KDSR: variants seen among roughly 807,000 people sequenced by gnomAD.
The protein encoded by KDSR is 3-dehydrosphinganine reductase.
A neutral mutation model predicts 41.3 loss-of-function variants in KDSR; 23 were observed. The ratio of observed to expected loss-of-function variants is 0.56; its 90% CI spans 0.40 to 0.79. KDSR has a LOEUF of 0.79. Ranked by LOEUF, KDSR falls within the 30% of genes least tolerant of loss-of-function variation. The probability of loss-of-function intolerance (pLI) is 0.00; values close to 1 mark genes in which losing one functional copy is unlikely to be tolerated. For missense variants in KDSR, 351 were observed against 416.8 expected, an observed-to-expected ratio of 0.84 and a Z score of 1.37; for synonymous variants, 138 against 151.7, an observed-to-expected ratio of 0.91 and a Z score of 0.66.
At position 63,331,300 on chromosome 18, in the gene KDSR, GACAGAGAGAC is replaced by G; in HGVS notation, c.*472_*481del. 4.5e-6 allele frequency: 1 copy of G among 221,972 alleles called. No homozygotes were observed. Among genetic ancestry groups the G allele is most frequent in the Non-Finnish European group, 8.8e-6 (1 of 113,392 alleles). 13.8% of individuals were successfully genotyped at this position (221,972 alleles called of 1,614,324 possible). ...AGAGAGAGAGACAGAGAGACAGAGA[GACAGAGAGAC>G]AGAGAGACAGAGAGACAGAGAGAGA... On this transcript the variant is annotated 3_prime_UTR_variant, in exon 10 of 10. Transcript: ENST00000645214.
intron 3 of KDSR, chr18:63,359,416 C>T: frequency 4.3e-6 from 1 of 230,670 alleles, no homozygotes; most frequent in Non-Finnish European, 8.5e-6. Flanking sequence ...ATCAAAAATT[C>T]CATAACCAAA....
chr18:63,350,880 A>C lies in KDSR; in HGVS notation c.609+8T>G, dbSNP rs1160329231. 1 of 1,601,818 alleles carries C rather than the reference A, an allele frequency of 6.2e-7. No individual in the cohort carries two copies. The highest frequency in any genetic ancestry group is 1.3e-5 in the African/African-American group (1 of 74,614). ...AGGAATAAATACAAAAATGAATACA[A>C]CTTTTACCTCCATCTGCAAAGCTTC... On this transcript the variant is annotated splice_region_variant and intron_variant, in intron 6 of 9. Coordinates refer to ENST00000645214, the MANE Select transcript of KDSR (RefSeq NM_002035.4).
chr18:63,359,936 C>A, intron 2 of KDSR, 144 bp from the exon 3 acceptor site: 1 of 647,090 alleles, frequency 1.5e-6, no homozygotes, highest in Non-Finnish European at 2.8e-6. Context: ...ATTGCATAGA[C>A]AGACTGGGCC....
intron 7 of KDSR, among the ~76,000 whole-genome samples, chr18:63,341,526 G>A (rs1914339665): frequency 1.3e-5 from 2 of 151,432 alleles, no homozygotes; most frequent in South Asian, 4.2e-4. Context: ...AGTCCAGAAA[G>A]TTCAAAAATC....
Position 63,335,320 on chromosome 18 carries a change from G to A in KDSR, c.816C>T (p.Tyr272=), listed in dbSNP as rs1464347056. 2 of 1,613,952 alleles carry A rather than the reference G, an allele frequency of 1.2e-6. No homozygotes were observed. The highest frequency in any genetic ancestry group is 1.7e-5 in the Admixed American group (1 of 60,020). ...NFNSSLGSDG[Y]MLSALTCGMA... is the part of the protein sequence containing the mutation. ...TCCCACAGGTCAGGGCCGAGAGCAT[G>A]TACCCATCTGAGCCAAGGGAACTGT... Residue 272 remains tyrosine (Y), a synonymous_variant, in exon 9 of 10, where the codon TAC becomes TAT. Coordinates refer to ENST00000645214, the MANE Select transcript of KDSR (RefSeq NM_002035.4).
chr18:63,359,824 G>A, intron 2 of KDSR, 32 bp from the exon 3 acceptor site: 4 of 1,491,928 alleles, frequency 2.7e-6, no homozygotes, highest in Non-Finnish European at 3.7e-6. Flanking sequence ...TAGTCGTGAT[G>A]ACCGTCTATA....
chr18:63,366,925 A>G (rs1464502959), intron 1 of KDSR, 86 bp downstream of exon 1: 4 of 664,228 alleles, frequency 6.0e-6, no homozygotes, highest in Non-Finnish European at 8.9e-6. Flanking sequence ...CGCGGCCTGG[A>G]AAAAGGGACG....
chr18:63,355,439 G>A, intron 4 of KDSR, 59 bp downstream of exon 4: 1 of 1,612,252 alleles, frequency 6.2e-7, no homozygotes, highest in Non-Finnish European at 8.5e-7. Flanking sequence ...ATAGCAAAAT[G>A]GCAAGAACAA....
intron 6 of KDSR, chr18:63,345,659 CG>C: frequency 6.6e-6 from 1 of 151,256 alleles, no homozygotes; most frequent in Non-Finnish European, 1.5e-5. Flanking sequence ...GCCCAGGGGC[CG>C]GGGGCAGTGG....
Position 63,367,012 on chromosome 18 carries a change from ACCACATGCGC to A in KDSR, c.97_106del (p.Ala33TrpfsTer24). The A allele has an allele frequency of 7.6e-7, 1 of 1,310,224 alleles. No homozygotes were observed. The highest frequency in any genetic ancestry group is 9.8e-7 in the Non-Finnish European group (1 of 1,019,926). The allele number at this position is 1,310,224 out of a possible 1,614,324, so 81.2% of individuals were successfully genotyped here. On this transcript the variant is annotated frameshift_variant and splice_region_variant, in exon 1 of 10. Coordinates refer to ENST00000645214, the MANE Select transcript of KDSR (RefSeq NM_002035.4). LOFTEE classifies it high-confidence loss of function. ...GGGCAGCAACAGGAGGCCACTCACC[ACCACATGCGC>A]CCCGGGCAGGGCGAGGGGCTTGGGG...
intron 9 of KDSR, among the ~76,000 whole-genome samples, chr18:63,332,439 C>T (rs1362155168): frequency 2.0e-5 from 3 of 152,236 alleles, no homozygotes; most frequent in East Asian, 1.9e-4. Flanking sequence ...GGCATGAACG[C>T]GGCTCACTAT....
intron 9 of KDSR, among the ~76,000 whole-genome samples, chr18:63,334,480 A>G (rs1220534180): frequency 6.6e-6 from 1 of 151,910 alleles, no homozygotes; most frequent in South Asian, 2.1e-4. Context: ...CCTCCCGAGT[A>G]GCTGGGATTA....
At chr18:63,363,270 T>C (rs1411820320) in intron 1 of KDSR, among the ~76,000 whole-genome samples, 3 of 145,206 alleles carry the variant, frequency 2.1e-5, no homozygotes, top group Admixed American at 6.9e-5. Flanking sequence ...GTGCACATTG[T>C]GCAGGTTAGT....
At chr18:63,361,861 G>A (rs1162439331) in intron 2 of KDSR, among the ~76,000 whole-genome samples, 2 of 152,126 alleles carry the variant, frequency 1.3e-5, no homozygotes, top group African/African-American at 4.8e-5. Flanking sequence ...CCAAGACTAA[G>A]TCTGCGACAT....
At chr18:63,355,386 A>G in intron 4 of KDSR, 87 bp from the exon 5 acceptor site, 2 of 1,603,964 alleles carry the variant, frequency 1.2e-6, no homozygotes, top group South Asian at 1.1e-5. Context: ...AAAATTTACA[A>G]AACTATTAAA....
At position 63,350,975 on chromosome 18, in the gene KDSR, C is replaced by T. The variant is rs1158521156; in HGVS notation, c.522G>A (p.Gln174=). 6.2e-7 allele frequency: 1 copy of T among 1,614,212 alleles called. No individual in the cohort carries two copies. Among genetic ancestry groups the T allele is most frequent in the South Asian group, 1.1e-5 (1 of 91,090 alleles). The change falls in exon 6 of 10, where the codon CAG becomes CAA. Residue 174 remains glutamine (Q), a synonymous_variant. Transcript: ENST00000645214. ...AACCGAATAATCCCAACTGTCCTGC[C>T]TGGGAGGACACAAACACGATCCTGC... ...RVGRIVFVSS[Q]AGQLGLFGFT...
At position 63,367,038 on chromosome 18, in the gene KDSR, G is replaced by A. The variant is rs546663562; in HGVS notation, c.81C>T (p.Pro27=). 2.3e-6 allele frequency: 3 copies of A among 1,319,144 alleles called. No individual in the cohort carries two copies. Among genetic ancestry groups the A allele is most frequent in the African/African-American group, 3.0e-5 (2 of 66,520 alleles). 81.7% of individuals were successfully genotyped at this position (1,319,144 alleles called of 1,614,324 possible). Residue 27 remains proline, a synonymous_variant, in exon 1 of 10, where the codon CCC becomes CCT. Coordinates refer to ENST00000645214, the MANE Select transcript of KDSR (RefSeq NM_002035.4). ...CCACATGCGCCCCGGGCAGGGCGAG[G>A]GGCTTGGGGCTGATGAGCGGAGACA... ...YMVSPLISPK[P]LALPGAHVVV...
rs746022711 is a variant in KDSR, at chr18:63,362,774, C to G, written c.198+5G>C. On this transcript the variant is annotated splice_donor_5th_base_variant and intron_variant, in intron 2 of 9. Transcript: ENST00000645214. The stretch of plus-strand genomic sequence containing the variant: ...AGTCAGTAATAATGAACCTAGAAGC[C>G]TTACCTCATTTCGTGCAACCAGAGT... The G allele has an allele frequency of 6.3e-6, 10 of 1,599,590 alleles. No homozygotes were observed. Among genetic ancestry groups the G allele is most frequent in the Non-Finnish European group, 8.6e-6 (10 of 1,167,234 alleles).
At chr18:63,364,501 T>C (rs1413355389) in intron 1 of KDSR, among the ~76,000 whole-genome samples, 1 of 152,000 alleles carries the variant, frequency 6.6e-6, no homozygotes, top group African/African-American at 2.4e-5. Flanking sequence ...TGGAGTGCAG[T>C]GGCACGATCT....
Sources: allele counts gnomAD v4.1 joint callset (sites outside exome capture counted in the v4.1 genomes callset), GRCh38; gene constraint gnomAD v4.1.1; transcripts MANE v1.5; gene names NCBI Gene and HGNC (gene_info 2026-07-23, HGNC 2026-07-21).